The following DCC variants were observed in gnomAD, a reference collection of about 807,000 sequenced individuals.
DCC encodes the protein netrin receptor DCC.
In DCC, 58 loss-of-function variants were observed where a neutral mutation model predicts 172.5. The observed-to-expected ratio is 0.34, with a 90% CI of 0.27 to 0.42. The LOEUF is 0.42. Ranked by LOEUF, DCC falls within the 10% of genes least tolerant of loss-of-function variation. The probability of loss-of-function intolerance (pLI) is 1.00; values close to 1 mark genes in which losing one functional copy is unlikely to be tolerated. For missense variants in DCC, 1,740 were observed against 1,791.0 expected, an observed-to-expected ratio of 0.97 and a Z score of 0.51; for synonymous variants, 709 against 644.5, an observed-to-expected ratio of 1.10 and a Z score of -1.52.
At chr18:52,754,202 T>C (rs2037041526) in intron 2 of DCC, 1 of 152,188 alleles carries the variant, frequency 6.6e-6, no homozygotes, top group Admixed American at 6.5e-5. Flanking sequence ...TCTGAGAAAG[T>C]TGAAATCTGA....
At position 52,828,075 on chromosome 18, in the gene DCC, C is replaced by T. The variant is rs139806768; in HGVS notation, c.412+75701C>T. 1.0e-3 allele frequency among the ~76,000 whole-genome samples: 158 copies of T among 151,972 alleles called. 1 individual carries two copies. The highest frequency in any genetic ancestry group is 3.4e-3 in the African/African-American group (141 of 41,442). On this transcript the variant is annotated intron_variant, in intron 2 of 28. Transcript: ENST00000442544. ...CAGCTCTAGTATGATCTTGTATAAA[C>T]GGTTCAATTCCCACATGCCCCATGC...
intron 2 of DCC, among the ~76,000 whole-genome samples, chr18:52,875,486 A>G (rs897268770): frequency 6.6e-6 from 1 of 152,196 alleles, no homozygotes; most frequent in East Asian, 1.9e-4. Context: ...CTCTAAAAAC[A>G]CCAAGAAATA....
At chr18:53,307,175 G>A (rs1313284745) in intron 13 of DCC, among the ~76,000 whole-genome samples, 1 of 152,134 alleles carries the variant, frequency 6.6e-6, no homozygotes, top group Non-Finnish European at 1.5e-5. Context: ...TTCCAAAGTA[G>A]ATTGCCAAAA....
At chr18:52,958,156 T>C (rs1448053043) in intron 5 of DCC, among the ~76,000 whole-genome samples, 2 of 152,174 alleles carry the variant, frequency 1.3e-5, no homozygotes, top group Non-Finnish European at 2.9e-5. Context: ...TTTTTTCATA[T>C]TGTTCTTTCT....
At chr18:52,353,857 G>C (rs1984240937) in intron 1 of DCC, among the ~76,000 whole-genome samples, 1 of 152,166 alleles carries the variant, frequency 6.6e-6, no homozygotes, top group Non-Finnish European at 1.5e-5. Context: ...TCTGGCCCTG[G>C]TAGTAAATGA....
At chr18:52,724,821 AC>A in intron 1 of DCC, among the ~76,000 whole-genome samples, 1 of 152,160 alleles carries the variant, frequency 6.6e-6, no homozygotes, top group Middle Eastern at 3.4e-3. Context: ...GCTCCATCTG[AC>A]CCATTCTACA....
rs901283451 is a variant in DCC, at chr18:52,413,424, C to T, written c.91+72546C>T. ...ATCATGTTTCATATAGTTACTTTTGCATCTATCTAATCTTTCTATCTTTCT... is the reference window on the plus strand; with the variant it reads ...ATCATGTTTCATATAGTTACTTTTGTATCTATCTAATCTTTCTATCTTTCT... On this transcript the variant is annotated intron_variant, in intron 1 of 28. Coordinates refer to ENST00000442544, the MANE Select transcript of DCC (RefSeq NM_005215.4). 2.7e-5 allele frequency among the ~76,000 whole-genome samples: 4 copies of T among 148,938 alleles called. No homozygotes were observed. In the Admixed American group the frequency reaches 2.7e-4, roughly 10 times the overall value.
chr18:52,743,676 C>T (rs1044378535), intron 1 of DCC, among the ~76,000 whole-genome samples: 2 of 152,318 alleles, frequency 1.3e-5, no homozygotes, highest in Admixed American at 6.5e-5. Flanking sequence ...CAGATCTCTG[C>T]AAAGCTTCTT....
intron 1 of DCC, among the ~76,000 whole-genome samples, chr18:52,374,543 T>A (rs1277934877): frequency 6.6e-6 from 1 of 152,032 alleles, no homozygotes; most frequent in Non-Finnish European, 1.5e-5. Flanking sequence ...AACAAAGAAT[T>A]ATTGATGAGA....
chr18:52,600,709 T>A (rs2033999021), intron 1 of DCC, among the ~76,000 whole-genome samples: 1 of 126,482 alleles, frequency 7.9e-6, no homozygotes, highest in Admixed American at 7.7e-5. Flanking sequence ...CCTTAAAAAT[T>A]TTGCGCATTG....
chr18:53,488,047 G>A (rs560777434), intron 26 of DCC, among the ~76,000 whole-genome samples: 1 of 152,304 alleles, frequency 6.6e-6, no homozygotes, highest in East Asian at 1.9e-4. Flanking sequence ...TGTTAGTTTA[G>A]TATTCGGTCT....
At chr18:52,377,634 C>CT (rs1985403724) in intron 1 of DCC, among the ~76,000 whole-genome samples, 1 of 126,006 alleles carries the variant, frequency 7.9e-6, no homozygotes, top group African/African-American at 3.6e-5. Flanking sequence ...AACAATTATG[C>CT]ATTTTTTTTT....
intron 1 of DCC, among the ~76,000 whole-genome samples, chr18:52,499,486 G>A (rs560741318): frequency 6.6e-6 from 1 of 152,182 alleles, no homozygotes; most frequent in South Asian, 2.1e-4. Context: ...TCTACTTTTT[G>A]GATGCAATAA....
Position 52,880,495 on chromosome 18 carries a change from C to T in DCC, c.413-25549C>T, listed in dbSNP as rs527755285. On this transcript the variant is annotated intron_variant, in intron 2 of 28. Coordinates refer to ENST00000442544, the MANE Select transcript of DCC (RefSeq NM_005215.4). ...GTTTTGTATCCCGTAACCATCCCCA[C>T]TTCCCCCTGAAACCCCTACTACCTT... Among the ~76,000 whole-genome samples, 10 of 152,274 alleles carry T rather than the reference C, an allele frequency of 6.6e-5. 1 individual carries two copies. The highest frequency in any genetic ancestry group is 2.4e-4 in the African/African-American group (10 of 41,568).
chr18:52,924,313 A>G (rs1317898070), intron 4 of DCC, among the ~76,000 whole-genome samples: 2 of 152,132 alleles, frequency 1.3e-5, no homozygotes, highest in Admixed American at 6.6e-5. Flanking sequence ...CACTGTTATT[A>G]TATGCAATTT....
At chr18:52,393,249 G>C (rs1986097379) in intron 1 of DCC, among the ~76,000 whole-genome samples, 1 of 152,074 alleles carries the variant, frequency 6.6e-6, no homozygotes, top group South Asian at 2.1e-4. Context: ...TTGTATCAAT[G>C]ATTTCTGACT....
At chr18:52,778,384 T>G (rs1213772922) in intron 2 of DCC, among the ~76,000 whole-genome samples, 1 of 152,228 alleles carries the variant, frequency 6.6e-6, no homozygotes, top group African/African-American at 2.4e-5. Context: ...TTTTTTGCAT[T>G]GTCTTATAAT....
At chr18:53,118,364 T>TA (rs2043436682) in intron 7 of DCC, among the ~76,000 whole-genome samples, 1 of 151,828 alleles carries the variant, frequency 6.6e-6, no homozygotes, top group African/African-American at 2.4e-5. Context: ...ATAAAGCATG[T>TA]AGTTTTATAA....
At chr18:53,240,129 A>G (rs1278382160) in intron 12 of DCC, among the ~76,000 whole-genome samples, 1 of 151,752 alleles carries the variant, frequency 6.6e-6, no homozygotes, top group Non-Finnish European at 1.5e-5. Flanking sequence ...AAGAATAAAT[A>G]TGAAAGTTAT....
Sources: gnomAD v4.1 joint callset for allele counts (sites outside exome capture counted in the v4.1 genomes callset) on GRCh38, gnomAD v4.1.1 for gene constraint, MANE v1.5 for transcripts, NCBI Gene and HGNC (gene_info 2026-07-23, HGNC 2026-07-21) for gene names.